Variants in RGPD1 observed in about 807,000 individuals in gnomAD.
RGPD1 encodes RANBP2 like and GRIP domain containing 1.
Under a neutral mutation model 40.6 loss-of-function variants are expected in RGPD1, and 7 were observed. The observed-to-expected ratio is 0.17, with a 90% CI of 0.10 to 0.32. The LOEUF (loss-of-function observed/expected upper bound fraction) is 0.32. RGPD1 is among the 10% of genes least tolerant of loss of function. The probability of loss-of-function intolerance (pLI) is 1.00; values close to 1 mark genes in which losing one functional copy is unlikely to be tolerated. For missense variants in RGPD1, 50 were observed against 472.5 expected, an observed-to-expected ratio of 0.11 and a Z score of 8.29; for synonymous variants, 24 against 167.0, an observed-to-expected ratio of 0.14 and a Z score of 6.60.
chr2:86,928,254 A>G (rs1678648574), intron 1 of RGPD1, among the ~76,000 whole-genome samples: 1 of 152,032 alleles, frequency 6.6e-6, no homozygotes, highest in South Asian at 2.1e-4. Context: ...AAGAGCATCC[A>G]TATAAAGGGA....
chr2:86,925,775 G>T (rs1678446105), intron 1 of RGPD1, among the ~76,000 whole-genome samples: 1 of 151,948 alleles, frequency 6.6e-6, no homozygotes, highest in Non-Finnish European at 1.5e-5. Context: ...CTCGCTGTAT[G>T]CCTAGGCTGG....
At chr2:86,914,075 C>T (rs1344824864) in intron 1 of RGPD1, among the ~76,000 whole-genome samples, 1 of 56,838 alleles carries the variant, frequency 1.8e-5, no homozygotes, top group Non-Finnish European at 3.2e-5. Flanking sequence ...TCGGCCCCGG[C>T]CTGGCCGGGC....
At chr2:86,942,467 C>T (rs1405364909) in intron 1 of RGPD1, among the ~76,000 whole-genome samples, 159 bp downstream of exon 1, 2 of 132,734 alleles carry the variant, frequency 1.5e-5, no homozygotes, top group Admixed American at 7.4e-5. Flanking sequence ...GTTGAGGCGC[C>T]GGCCTCGACC....
chr2:87,006,703 G>T (rs1301133588), intron 22 of RGPD1, among the ~76,000 whole-genome samples: 1 of 142,020 alleles, frequency 7.0e-6, no homozygotes, highest in Admixed American at 6.9e-5. Flanking sequence ...GGAGCTTGCA[G>T]TGAGCTGAGA....
chr2:86,993,232 T>C (rs199525588), intron 20 of RGPD1, among the ~76,000 whole-genome samples: 273 of 151,646 alleles, frequency 1.8e-3, no homozygotes, highest in Non-Finnish European at 3.0e-3. Flanking sequence ...CTTCTAGACA[T>C]GCACACTGTA....
At chr2:86,939,487 A>G (rs1679574902), upstream of RGPD1, among the ~76,000 whole-genome samples, 1 of 147,968 alleles carries the variant, frequency 6.8e-6, no homozygotes, top group African/African-American at 2.5e-5. Flanking sequence ...GCTGAGGCAC[A>G]AGAATTGCTT....
chr2:86,914,219 G>T (rs1677620660), intron 1 of RGPD1, among the ~76,000 whole-genome samples: 5 of 99,434 alleles, frequency 5.0e-5, no homozygotes, highest in African/African-American at 1.6e-4. Context: ...GGCGGCGGCG[G>T]CGGCCTCGGC....
At chr2:86,931,937 A>G (rs1251569175) in intron 1 of RGPD1, among the ~76,000 whole-genome samples, 2 of 148,394 alleles carry the variant, frequency 1.3e-5, no homozygotes, top group Non-Finnish European at 1.5e-5. Flanking sequence ...CATTATATAT[A>G]TATTTATGTA....
At chr2:86,935,882 A>G (rs1291562681) in intron 1 of RGPD1, among the ~76,000 whole-genome samples, 1 of 146,798 alleles carries the variant, frequency 6.8e-6, no homozygotes, top group Non-Finnish European at 1.5e-5. Context: ...GCTTATGGAT[A>G]TATTTAAAAA....
chr2:86,943,377 C>T (rs1043920422), intron 1 of RGPD1, among the ~76,000 whole-genome samples: 1 of 146,420 alleles, frequency 6.8e-6, no homozygotes, highest in Non-Finnish European at 1.5e-5. Context: ...CAATTTTTAA[C>T]CTTTTCCACA....
At chr2:86,940,715 C>T (rs550833807), upstream of RGPD1, among the ~76,000 whole-genome samples, 1 of 152,260 alleles carries the variant, frequency 6.6e-6, no homozygotes, top group South Asian at 2.1e-4. Context: ...CCCCCCTCTG[C>T]CTTTGGAGTA....
In RGPD1 at chr2:86,942,242, G is replaced by A; in HGVS notation, c.6G>A (p.Arg2=). The A allele has an allele frequency of 1.9e-6, 3 of 1,605,682 alleles. No individual in the cohort carries two copies. Among genetic ancestry groups the A allele is most frequent in the Non-Finnish European group, 2.5e-6 (3 of 1,177,200 alleles). ...GGAGCCAGGTTGGCGGTGCGATGAG[G>A]CGCAGCAAGGCCTACGGGGAGCGGT... M[R]RSKAYGERYV... The change falls in exon 1 of 23, where the codon AGG becomes AGA. Residue 2 remains arginine (R), a synonymous_variant. Coordinates refer to ENST00000641458, the MANE Select transcript of RGPD1 (RefSeq NM_001382344.1).
intron 1 of RGPD1, among the ~76,000 whole-genome samples, chr2:86,925,690 T>TTA (rs1229390720): frequency 1.3e-5 from 2 of 152,148 alleles, no homozygotes; most frequent in Non-Finnish European, 2.9e-5. Flanking sequence ...ATATTACTGT[T>TTA]TATGAGAATG....
intron 1 of RGPD1, among the ~76,000 whole-genome samples, chr2:86,923,505 A>G (rs913364729): frequency 2.6e-5 from 4 of 151,594 alleles, no homozygotes; most frequent in African/African-American, 9.7e-5. Flanking sequence ...AACTCCATAA[A>G]ATTTCCTTGT....
At chr2:86,925,125 T>A (rs1678384290) in intron 1 of RGPD1, among the ~76,000 whole-genome samples, 2 of 152,234 alleles carry the variant, frequency 1.3e-5, no homozygotes, top group Admixed American at 1.3e-4. Context: ...AATTAGATTT[T>A]AAAAAATTTG....
chr2:86,925,635 C>T (rs1327369702), intron 1 of RGPD1, among the ~76,000 whole-genome samples: 1 of 152,052 alleles, frequency 6.6e-6, no homozygotes, highest in African/African-American at 2.4e-5. Flanking sequence ...AAAAATGAAG[C>T]CTATGATTTA....
At chr2:86,943,881 G>A (rs1326390578) in intron 1 of RGPD1, among the ~76,000 whole-genome samples, 2 of 152,040 alleles carry the variant, frequency 1.3e-5, no homozygotes, top group African/African-American at 2.4e-5. Flanking sequence ...GGGCGTGGTG[G>A]TGCACACCTG....
chr2:86,924,409 C>T (rs1678302516), intron 1 of RGPD1, among the ~76,000 whole-genome samples: 1 of 150,556 alleles, frequency 6.6e-6, no homozygotes, highest in African/African-American at 2.4e-5. Context: ...CCCATGTTGA[C>T]CTCCCAAAGT....
At chr2:86,956,928 CA>C (rs1680768961) in intron 4 of RGPD1, among the ~76,000 whole-genome samples, 1 of 135,580 alleles carries the variant, frequency 7.4e-6, no homozygotes, top group Non-Finnish European at 1.6e-5. Flanking sequence ...GTGGTATGAC[CA>C]AAATGCAGAT....
Sources: allele counts gnomAD v4.1 joint callset (sites outside exome capture counted in the v4.1 genomes callset), GRCh38; gene constraint gnomAD v4.1.1; transcripts MANE v1.5; gene names NCBI Gene and HGNC (gene_info 2026-07-23, HGNC 2026-07-21).